Variants in HS3ST4 observed in about 807,000 individuals in gnomAD.
HS3ST4 encodes heparan sulfate glucosamine 3-O-sulfotransferase 4.
Under a neutral mutation model 29.2 loss-of-function variants are expected in HS3ST4, and 17 were observed. The ratio of observed to expected loss-of-function variants is 0.58; its 90% CI spans 0.40 to 0.87. The LOEUF (loss-of-function observed/expected upper bound fraction) is 0.87. Ranked by LOEUF, HS3ST4 falls within the 40% of genes least tolerant of loss-of-function variation. The pLI, the probability that HS3ST4 is intolerant of heterozygous loss-of-function variation, is 0.00. For synonymous variants in HS3ST4, 314 were observed against 285.7 expected (o/e 1.10, Z -1.00); for missense variants, 627 against 634.5 (o/e 0.99, Z 0.13).
At chr16:25,848,993 A>G (rs1047903188) in intron 1 of HS3ST4, among the ~76,000 whole-genome samples, 1 of 152,072 alleles carries the variant, frequency 6.6e-6, no homozygotes, top group South Asian at 2.1e-4. Context: ...ACAGGTTGTA[A>G]TTTCGGTTTT....
At chr16:26,077,418 C>G (rs969196067) in intron 1 of HS3ST4, among the ~76,000 whole-genome samples, 4 of 152,238 alleles carry the variant, frequency 2.6e-5, no homozygotes, top group African/African-American at 4.8e-5. Flanking sequence ...CAGCATGGCT[C>G]TCTGCCCCTG....
In HS3ST4 at chr16:25,800,426, C is replaced by T. The variant is rs558705692; in HGVS notation, c.734+107275C>T. ...TCTCTCTTTTTCTCTCTCCCTTCCCCCTACTTTCTCTCCCACCTCTTTCTC... is the reference window on the plus strand; with the variant it reads ...TCTCTCTTTTTCTCTCTCCCTTCCCTCTACTTTCTCTCCCACCTCTTTCTC... On this transcript the variant is annotated intron_variant, in intron 1 of 1. Coordinates refer to ENST00000331351, the MANE Select transcript of HS3ST4 (RefSeq NM_006040.3). Among the ~76,000 whole-genome samples the T allele has an allele frequency of 3.0e-4, 43 of 143,354 alleles. No homozygotes were observed. In the South Asian group the frequency reaches 0.011, roughly 37 times the overall value. The allele number at this position is 143,354 out of a possible 152,430, so 94.0% of individuals were successfully genotyped here.
intron 1 of HS3ST4, among the ~76,000 whole-genome samples, chr16:26,099,851 A>G (rs1596680801): frequency 1.3e-5 from 2 of 152,124 alleles, no homozygotes; most frequent in East Asian, 3.9e-4. Flanking sequence ...ATCAGTGGTG[A>G]TAAGTATTAG....
intron 1 of HS3ST4, among the ~76,000 whole-genome samples, chr16:25,838,838 A>T (rs984665611): frequency 6.6e-6 from 1 of 152,130 alleles, no homozygotes; most frequent in Non-Finnish European, 1.5e-5. Flanking sequence ...CACTTTTTTC[A>T]CTAATCCCGA....
intron 1 of HS3ST4, among the ~76,000 whole-genome samples, chr16:25,808,076 C>T (rs1967005719): frequency 6.6e-6 from 1 of 151,998 alleles, no homozygotes; most frequent in Non-Finnish European, 1.5e-5. Context: ...TAGTCTGGAG[C>T]TTGTCTTTTT....
intron 1 of HS3ST4, among the ~76,000 whole-genome samples, chr16:25,709,371 G>A (rs1966400531): frequency 6.6e-6 from 1 of 152,144 alleles, no homozygotes; most frequent in Admixed American, 6.5e-5. Flanking sequence ...GAGGCTTGAG[G>A]CACTGCCTCC....
At chr16:25,789,480 TTC>T (rs1966864273) in intron 1 of HS3ST4, among the ~76,000 whole-genome samples, 1 of 144,210 alleles carries the variant, frequency 6.9e-6, no homozygotes, top group South Asian at 2.3e-4. Flanking sequence ...CTTTCTTTCT[TTC>T]TCTTTCCTTC....
intron 1 of HS3ST4, among the ~76,000 whole-genome samples, chr16:26,034,279 T>C (rs1969562094): frequency 6.6e-6 from 1 of 152,118 alleles, no homozygotes; most frequent in African/African-American, 2.4e-5. Flanking sequence ...CCAGGCAGCA[T>C]TTAAGGGAGC....
At chr16:25,992,445 G>T (rs1381470180) in intron 1 of HS3ST4, among the ~76,000 whole-genome samples, 1 of 152,220 alleles carries the variant, frequency 6.6e-6, no homozygotes, top group Non-Finnish European at 1.5e-5. Context: ...GTAGAGGAAA[G>T]CCACTAACTT....
At chr16:26,097,344 T>TAC (rs1898938000) in intron 1 of HS3ST4, among the ~76,000 whole-genome samples, 1 of 152,186 alleles carries the variant, frequency 6.6e-6, no homozygotes, top group Non-Finnish European at 1.5e-5. Flanking sequence ...ACTACAAGGC[T>TAC]ACAGTAACCA....
Position 26,137,450 on chromosome 16 carries a change from G to T in HS3ST4, c.*1202G>T, listed in dbSNP as rs1327399712. 1 of 152,210 alleles carries T rather than the reference G, an allele frequency of 6.6e-6. No homozygotes were observed. The highest frequency in any genetic ancestry group is 2.1e-4 in the South Asian group (1 of 4,810). The allele number at this position is 152,210 out of a possible 1,614,324, so 9.4% of individuals were successfully genotyped here. A position where few individuals can be genotyped will look rare whatever the true frequency, so the allele number is the denominator to read the frequency against. ...GGTTGGGGGTGAGCAAGGGCTGTCT[G>T]CAGAAACCCCCATCAAGAGCTGCTG... On this transcript the variant is annotated 3_prime_UTR_variant, in exon 2 of 2. Coordinates refer to ENST00000331351, the MANE Select transcript of HS3ST4 (RefSeq NM_006040.3).
chr16:25,857,939 TC>T (rs1567257143), intron 1 of HS3ST4, among the ~76,000 whole-genome samples: 1 of 52,778 alleles, frequency 1.9e-5, no homozygotes, highest in African/African-American at 1.1e-4. Context: ...TTTCTTTCTT[TC>T]TTTCTTTCTT....
chr16:25,878,202 A>G (rs1967852828), intron 1 of HS3ST4, among the ~76,000 whole-genome samples: 1 of 152,176 alleles, frequency 6.6e-6, no homozygotes, highest in African/African-American at 2.4e-5. Context: ...TGAGGACCAA[A>G]TGAGATGATG....
intron 1 of HS3ST4, among the ~76,000 whole-genome samples, chr16:25,926,633 C>T (rs777206318): frequency 1.3e-5 from 2 of 152,186 alleles, no homozygotes; most frequent in Admixed American, 6.5e-5. Flanking sequence ...CTTATTTAAC[C>T]TTTACTTAAA....
intron 1 of HS3ST4, among the ~76,000 whole-genome samples, chr16:26,046,353 G>A (rs991256967): frequency 6.6e-6 from 1 of 151,978 alleles, no homozygotes; most frequent in Non-Finnish European, 1.5e-5. Flanking sequence ...TTTTTACCAT[G>A]TTGGCCAGGC....
At chr16:25,785,901 G>T (rs1020642644) in intron 1 of HS3ST4, among the ~76,000 whole-genome samples, 2 of 152,182 alleles carry the variant, frequency 1.3e-5, no homozygotes, top group African/African-American at 4.8e-5. Context: ...GCCCAGACTG[G>T]AAGGTAAAGA....
intron 1 of HS3ST4, among the ~76,000 whole-genome samples, chr16:25,707,476 GT>G (rs1966383233): frequency 6.6e-6 from 1 of 152,176 alleles, no homozygotes; most frequent in Non-Finnish European, 1.5e-5. Context: ...GTTTTAGGAA[GT>G]CACTGGGGGT....
rs115761021 is a variant in HS3ST4, at chr16:25,768,854, A to G, written c.734+75703A>G. On this transcript the variant is annotated intron_variant, in intron 1 of 1. Coordinates refer to ENST00000331351, the MANE Select transcript of HS3ST4 (RefSeq NM_006040.3). ...TCTGGATTTCTGGCTTCTTTAAAAG[A>G]TGGAACAGCATTGGATCCCACTCAG... Among the ~76,000 whole-genome samples, 1,033 of 152,224 alleles carry G rather than the reference A, an allele frequency of 6.8e-3. 13 individuals are homozygous for G. The highest frequency in any genetic ancestry group is 0.024 in the African/African-American group (983 of 41,544).
At chr16:25,777,074 A>G (rs1413188802) in intron 1 of HS3ST4, among the ~76,000 whole-genome samples, 2 of 152,186 alleles carry the variant, frequency 1.3e-5, no homozygotes, top group South Asian at 2.1e-4. Context: ...GTCTCTTCCT[A>G]TAGTGCTTCG....
Sources: allele counts gnomAD v4.1 joint callset (sites outside exome capture counted in the v4.1 genomes callset), GRCh38; gene constraint gnomAD v4.1.1; transcripts MANE v1.5; gene names NCBI Gene and HGNC (gene_info 2026-07-23, HGNC 2026-07-21).